The following POR variants were observed in gnomAD, a reference collection of about 807,000 sequenced individuals.
POR encodes the protein cytochrome p450 oxidoreductase, also known as NADPH--cytochrome P450 reductase.
Under a neutral mutation model 84.0 loss-of-function variants are expected in POR, and 56 were observed. The ratio of observed to expected loss-of-function variants is 0.67; its 90% CI spans 0.54 to 0.83. The LOEUF (loss-of-function observed/expected upper bound fraction) is 0.83. Among genes scored for constraint, POR ranks in the 40% least tolerant of loss-of-function variants. The pLI is 0.00. For synonymous variants in POR, 414 were observed against 400.5 expected, an observed-to-expected ratio of 1.03 and a Z score of -0.40; for missense variants, 938 against 944.3, an observed-to-expected ratio of 0.99 and a Z score of 0.09.
At chr7:75,955,619 C>T (rs1167090470) in intron 2 of POR, among the ~76,000 whole-genome samples, 2 of 152,166 alleles carry the variant, frequency 1.3e-5, no homozygotes, top group Non-Finnish European at 2.9e-5. Context: ...TGGCAAGGGG[C>T]AGGTCTCAGG....
chr7:75,986,734 T>G lies in POR; in HGVS notation c.*253T>G. The stretch of plus-strand genomic sequence containing the variant: ...GCCTCTGGAGGCCTCTGGCCCTCGG[T>G]GGCTGCACAGAAGGGCTCTTTCTCT... On this transcript the variant is annotated 3_prime_UTR_variant, in exon 16 of 16. Transcript: ENST00000461988. 1.7e-6 allele frequency: 1 copy of G among 591,154 alleles called. No individual in the cohort carries two copies. Among genetic ancestry groups the G allele is most frequent in the Non-Finnish European group, 3.0e-6 (1 of 334,188 alleles). The allele number at this position is 591,154 out of a possible 1,614,324, so 36.6% of individuals were successfully genotyped here. A position where few individuals can be genotyped will look rare whatever the true frequency, so the allele number is the denominator to read the frequency against.
intron 1 of POR, among the ~76,000 whole-genome samples, chr7:75,928,102 G>C (rs910138910): frequency 1.0e-4 from 15 of 150,538 alleles, no homozygotes; most frequent in African/African-American, 3.7e-4. Flanking sequence ...CTCCCAAGTA[G>C]CTGGGATTAC....
chr7:75,936,489 A>C (rs1180695909), intron 1 of POR, among the ~76,000 whole-genome samples: 1 of 151,960 alleles, frequency 6.6e-6, no homozygotes, highest in Non-Finnish European at 1.5e-5. Context: ...TTCAATGTGG[A>C]GCTCATTTGG....
At chr7:75,946,107 C>T (rs548613776) in intron 1 of POR, among the ~76,000 whole-genome samples, 1 of 152,266 alleles carries the variant, frequency 6.6e-6, no homozygotes, top group South Asian at 2.1e-4. Context: ...AACCAGCCAG[C>T]TACCGAAATT....
chr7:75,973,797 T>G (rs1261710311), intron 3 of POR, among the ~76,000 whole-genome samples: 1 of 143,614 alleles, frequency 7.0e-6, no homozygotes, highest in African/African-American at 2.6e-5. Flanking sequence ...TTCTCCCGCA[T>G]CAGCCTCCGG....
chr7:75,952,002 G>A (rs558422133), intron 1 of POR, among the ~76,000 whole-genome samples: 23 of 115,096 alleles, frequency 2.0e-4, no homozygotes, highest in Non-Finnish European at 3.4e-4. Flanking sequence ...GGCGGCTGGC[G>A]GGGCAGAGGG....
intron 1 of POR, chr7:75,922,954 TG>T (rs2116216334): frequency 1.5e-6 from 1 of 679,008 alleles, no homozygotes; most frequent in East Asian, 2.6e-5. Context: ...TGACAAGGTG[TG>T]TCTCAGACGA....
intron 1 of POR, among the ~76,000 whole-genome samples, chr7:75,933,407 G>A (rs1222480337): frequency 1.2e-3 from 21 of 17,094 alleles, no homozygotes; most frequent in African/African-American, 2.3e-3. Flanking sequence ...TTTTTTTTTT[G>A]AGCGGAGTTT....
Position 75,985,615 on chromosome 7 carries a change from G to A in POR, c.1435G>A (p.Val479Met). The change falls in exon 13 of 16, where the codon GTG becomes ATG. Residue 479 changes from valine (V) to methionine (M), a missense_variant. Transcript: ENST00000461988. ...CTCTGTGCACATCTGTGCGGTGGTTGTGGAGTACGAGACCAAGGCTGGCCG... is the reference window on the plus strand; with the variant it reads ...CTCTGTGCACATCTGTGCGGTGGTTATGGAGTACGAGACCAAGGCTGGCCG... 6.3e-7 allele frequency: 1 copy of A among 1,584,606 alleles called. No individual in the cohort carries two copies. Among genetic ancestry groups the A allele is most frequent in the Non-Finnish European group, 8.6e-7 (1 of 1,164,224 alleles).
At chr7:75,917,092 A>G (rs1806605344) in intron 1 of POR, among the ~76,000 whole-genome samples, 1 of 151,746 alleles carries the variant, frequency 6.6e-6, no homozygotes, top group African/African-American at 2.4e-5. Context: ...TTTGTGAGAC[A>G]GGTCTCACTC....
intron 1 of POR, among the ~76,000 whole-genome samples, chr7:75,951,957 C>T (rs1051878806): frequency 8.6e-5 from 13 of 150,936 alleles, no homozygotes; most frequent in African/African-American, 2.7e-4. Context: ...GCTGGCCGGG[C>T]GGGGGGCTGA....
Position 75,960,277 on chromosome 7 carries a change from C to T in POR, c.188+6097C>T, listed in dbSNP as rs376174838. 2.6e-4 allele frequency among the ~76,000 whole-genome samples: 40 copies of T among 151,500 alleles called. No individual in the cohort carries two copies. In the East Asian group the frequency reaches 5.4e-3, roughly 21 times the overall value. On this transcript the variant is annotated intron_variant, in intron 2 of 15. Coordinates refer to ENST00000461988, the MANE Select transcript of POR (RefSeq NM_000941.3). ...CTGCACTCCAGCCTGGGCGACAGAG[C>T]AAGACCCCCTCTCAAAATAATAATA...
At chr7:75,939,336 C>T (rs975928170) in intron 1 of POR, among the ~76,000 whole-genome samples, 1 of 152,230 alleles carries the variant, frequency 6.6e-6, no homozygotes, top group South Asian at 2.1e-4. Context: ...TTGGGCCTCA[C>T]AGGCCAGCGG....
intron 1 of POR, among the ~76,000 whole-genome samples, chr7:75,948,551 C>T (rs1787279250): frequency 6.6e-6 from 1 of 152,178 alleles, no homozygotes; most frequent in African/African-American, 2.4e-5. Flanking sequence ...AGACAGGCAG[C>T]ATGAAGAGGA....
intron 7 of POR, chr7:75,981,834 G>C (rs1166865801): frequency 3.4e-6 from 2 of 581,150 alleles, no homozygotes; most frequent in Non-Finnish European, 6.1e-6. Flanking sequence ...ACATCGCGTC[G>C]GGCTCTGTGG....
At chr7:75,944,284 T>C (rs1249700448) in intron 1 of POR, among the ~76,000 whole-genome samples, 3 of 152,192 alleles carry the variant, frequency 2.0e-5, no homozygotes, top group Admixed American at 6.5e-5. Flanking sequence ...CCCAACACTT[T>C]GGGAGGCCAA....
chr7:75,986,580 AT>A lies in POR; in HGVS notation c.*100del. ...TGGGTGTGTTTGGCTTGGCCTTGGC[AT>A]GGGCGCAGGCCCAGTGACAAAGACT... On this transcript the variant is annotated 3_prime_UTR_variant, in exon 16 of 16. Transcript: ENST00000461988. 1 of 1,435,866 alleles carries A rather than the reference AT, an allele frequency of 7.0e-7. No homozygotes were observed. The highest frequency in any genetic ancestry group is 1.3e-5 in the South Asian group (1 of 78,324). 88.9% of individuals were successfully genotyped at this position (1,435,866 alleles called of 1,614,324 possible). A position where few individuals can be genotyped will look rare whatever the true frequency, so the allele number is the denominator to read the frequency against.
intron 2 of POR, among the ~76,000 whole-genome samples, chr7:75,963,607 T>C (rs6965343): frequency 0.62 from 94,791 of 152,124 alleles, 29,750 homozygotes; most frequent in African/African-American, 0.7. Context: ...CAGTGGGACA[T>C]GTGCTCTACT....
At chr7:75,963,743 G>A (rs1442188550) in intron 2 of POR, among the ~76,000 whole-genome samples, 1 of 152,144 alleles carries the variant, frequency 6.6e-6, no homozygotes, top group Admixed American at 6.5e-5. Context: ...ACGCGGGGCT[G>A]TTCCAAGGGA....
Sources: allele counts gnomAD v4.1 joint callset (sites outside exome capture counted in the v4.1 genomes callset), GRCh38; gene constraint gnomAD v4.1.1; transcripts MANE v1.5; gene names NCBI Gene and HGNC (gene_info 2026-07-23, HGNC 2026-07-21).